Variants in CREBRF observed in about 807,000 individuals in gnomAD.
CREBRF encodes CREB3 regulatory factor.
In CREBRF, 5 loss-of-function variants were observed where a neutral mutation model predicts 66.1. That is an observed-to-expected ratio of 0.08 (90% CI 0.04 to 0.16). The LOEUF (loss-of-function observed/expected upper bound fraction) is 0.16. Ranked by LOEUF, CREBRF falls within the 10% of genes least tolerant of loss-of-function variation. CREBRF has a pLI of 1.00. For synonymous variants in CREBRF, 229 were observed against 264.4 expected (o/e 0.87, Z 1.30); for missense variants, 531 against 744.9 (o/e 0.71, Z 3.34).
intron 1 of CREBRF, among the ~76,000 whole-genome samples, chr5:173,070,135 T>TGTCTAC (rs1281092517): frequency 1.3e-5 from 2 of 152,026 alleles, no homozygotes; most frequent in Non-Finnish European, 1.5e-5. Flanking sequence ...TCAAGTGGTC[T>TGTCTAC]GTCTACCTTG....
At chr5:173,096,450 T>C (rs1029213515) in intron 4 of CREBRF, among the ~76,000 whole-genome samples, 129 of 33,674 alleles carry the variant, frequency 3.8e-3, no homozygotes, top group Admixed American at 6.9e-3. Flanking sequence ...CCCTCCCCTC[T>C]CCTCCCCTCT....
intron 8 of CREBRF, among the ~76,000 whole-genome samples, chr5:173,128,672 TTATTA>T (rs1376959946): frequency 2.0e-5 from 3 of 152,126 alleles, no homozygotes; most frequent in African/African-American, 4.8e-5. Context: ...TGCAGCTTTC[TTATTA>T]TATTTGTTTG....
chr5:173,119,489 T>C (rs1759085256), intron 7 of CREBRF, among the ~76,000 whole-genome samples: 1 of 152,224 alleles, frequency 6.6e-6, no homozygotes. Flanking sequence ...GGTATTAATA[T>C]ATAAAACATA....
chr5:173,134,641 G>C lies in CREBRF; in HGVS notation c.*896G>C, dbSNP rs1220645974. The C allele has an allele frequency of 1.3e-5, 2 of 152,310 alleles. No individual in the cohort carries two copies. The highest frequency in any genetic ancestry group is 2.9e-5 in the Non-Finnish European group (2 of 68,174). 9.4% of individuals were successfully genotyped at this position (152,310 alleles called of 1,614,324 possible). On this transcript the variant is annotated 3_prime_UTR_variant, in exon 9 of 9. Coordinates refer to ENST00000296953, the MANE Select transcript of CREBRF (RefSeq NM_153607.3). ...CAAATACTTGCACATTATTGCGATT[G>C]TTTTATTTTTTGTACCAAAGACAAA... is the stretch of plus-strand genomic sequence containing the variant.
chr5:173,105,210 G>A (rs1373320060), intron 4 of CREBRF, among the ~76,000 whole-genome samples: 1 of 147,760 alleles, frequency 6.8e-6, no homozygotes, highest in Non-Finnish European at 1.5e-5. Context: ...CCAGGAGGAT[G>A]GTATGTGTGT....
At chr5:173,128,002 TC>T (rs933048242) in intron 8 of CREBRF, among the ~76,000 whole-genome samples, 2 of 152,040 alleles carry the variant, frequency 1.3e-5, no homozygotes, top group Non-Finnish European at 2.9e-5. Context: ...TTCTACTTTC[TC>T]CCCCCCAAAA....
chr5:173,105,501 G>A (rs1368450126), intron 4 of CREBRF, among the ~76,000 whole-genome samples: 1 of 151,880 alleles, frequency 6.6e-6, no homozygotes, highest in Non-Finnish European at 1.5e-5. Context: ...ACAGAATCTT[G>A]CTGTTGTTGC....
At chr5:173,107,582 G>A (rs181365726) in intron 4 of CREBRF, among the ~76,000 whole-genome samples, 129 of 152,262 alleles carry the variant, frequency 8.5e-4, no homozygotes, top group Non-Finnish European at 1.5e-3. Context: ...TGTGAGAACC[G>A]TCATCTTTTA....
chr5:173,076,067 A>G (rs1757754424), intron 1 of CREBRF, among the ~76,000 whole-genome samples: 1 of 151,754 alleles, frequency 6.6e-6, no homozygotes, highest in South Asian at 2.1e-4. Flanking sequence ...CAAAAAAAAA[A>G]AAAAAAAAAA....
rs1759551464 is a variant in CREBRF at position 173,134,852 on chromosome 5, A to T, written c.*1107A>T. 6.6e-6 allele frequency: 1 copy of T among 152,498 alleles called. No individual in the cohort carries two copies. The highest frequency in any genetic ancestry group is 2.1e-4 in the South Asian group (1 of 4,830). 9.4% of individuals were successfully genotyped at this position (152,498 alleles called of 1,614,324 possible). On this transcript the variant is annotated 3_prime_UTR_variant, in exon 9 of 9. Transcript: ENST00000296953. ...CTACAGAAGGAGCATCCATACATAC[A>T]AATATTATTTTGCTGTTCCTCTAGT... is the stretch of plus-strand genomic sequence containing the variant.
chr5:173,099,367 G>A (rs2113754293), intron 4 of CREBRF, among the ~76,000 whole-genome samples: 1 of 152,222 alleles, frequency 6.6e-6, no homozygotes, highest in South Asian at 2.1e-4. Flanking sequence ...TGTTGCCTAG[G>A]CTGGTCTTGA....
At chr5:173,059,014 G>A (rs1757175033) in intron 1 of CREBRF, among the ~76,000 whole-genome samples, 1 of 151,412 alleles carries the variant, frequency 6.6e-6, no homozygotes, top group South Asian at 2.1e-4. Context: ...GGTCAGGCTG[G>A]TCTCGAACTT....
At chr5:173,101,608 A>G (rs1263926249) in intron 4 of CREBRF, among the ~76,000 whole-genome samples, 4 of 150,946 alleles carry the variant, frequency 2.6e-5, no homozygotes, top group Non-Finnish European at 5.9e-5. Flanking sequence ...GCTGGAGTGC[A>G]GTGGCACCAT....
chr5:173,122,805 G>A (rs1759172399), intron 7 of CREBRF, among the ~76,000 whole-genome samples: 1 of 120,226 alleles, frequency 8.3e-6, no homozygotes, highest in Admixed American at 1.1e-4. Context: ...GTGTCCATGT[G>A]TTCTCATTGT....
At position 173,094,238 on chromosome 5, in the gene CREBRF, A is replaced by G. The variant is rs764771885; in HGVS notation, c.1222+2837A>G. Among the ~76,000 whole-genome samples the G allele has an allele frequency of 5.3e-5, 8 of 152,324 alleles. No homozygotes were observed. In the South Asian group the frequency reaches 6.2e-4, roughly 12 times the overall value. On this transcript the variant is annotated intron_variant, in intron 4 of 8. Transcript: ENST00000296953. ...CTTGGATTATGTGAATACTGTTGCA[A>G]TGAACATAGGAATGCAGATATCTCT...
rs1323407969 is a variant in CREBRF, at chr5:173,090,142, T to C, written c.136-173T>C. 2.6e-5 allele frequency among the ~76,000 whole-genome samples: 4 copies of C among 152,178 alleles called. No individual in the cohort carries two copies. The highest frequency in any genetic ancestry group is 6.6e-5 in the Admixed American group (1 of 15,260). ...TTTGTTTGTTTTATTTTCATTCTAC[T>C]TTTTCTTGCCTAAGGAAATGATGAC... On this transcript the variant is annotated intron_variant, in intron 3 of 8. Coordinates refer to ENST00000296953, the MANE Select transcript of CREBRF (RefSeq NM_153607.3). The surrounding 1 kb of genome is among the most constrained non-coding windows in gnomAD (Gnocchi z 4.5).
At chr5:173,077,659 G>T (rs1757806124) in intron 1 of CREBRF, among the ~76,000 whole-genome samples, 1 of 152,138 alleles carries the variant, frequency 6.6e-6, no homozygotes, top group Non-Finnish European at 1.5e-5. Flanking sequence ...TCTCAAAAGT[G>T]CTGGGATTAC....
chr5:173,060,562 C>T (rs930424034), intron 1 of CREBRF: 5 of 152,008 alleles, frequency 3.3e-5, no homozygotes, highest in African/African-American at 7.2e-5. Flanking sequence ...AATTAGCAGT[C>T]GCTTGTTTCC....
chr5:173,082,004 T>TG (rs1491147272), intron 2 of CREBRF, among the ~76,000 whole-genome samples: 4 of 32,464 alleles, frequency 1.2e-4, no homozygotes, highest in African/African-American at 3.0e-4. Flanking sequence ...CAAGGTTTAG[T>TG]TTTTTTTTTT....
Sources: allele counts gnomAD v4.1 joint callset (sites outside exome capture counted in the v4.1 genomes callset), GRCh38; gene constraint gnomAD v4.1.1; non-coding constraint Gnocchi (gnomAD v3.1); transcripts MANE v1.5; gene names NCBI Gene and HGNC (gene_info 2026-07-23, HGNC 2026-07-21).